The following CDH13 variants were observed in gnomAD, a reference collection of about 807,000 sequenced individuals.
The protein encoded by CDH13 is cadherin-13.
A neutral mutation model predicts 63.8 loss-of-function variants in CDH13; 24 were observed. The observed-to-expected ratio is 0.38, with a 90% CI of 0.27 to 0.53. The LOEUF is 0.53. Ranked by LOEUF, CDH13 falls within the 20% of genes least tolerant of loss-of-function variation. The probability of loss-of-function intolerance (pLI) is 0.85; values close to 1 mark genes in which losing one functional copy is unlikely to be tolerated. For missense variants in CDH13, 1,049 were observed against 903.1 expected (o/e 1.16, Z -2.07); for synonymous variants, 503 against 355.3 (o/e 1.42, Z -4.67).
chr16:82,663,852 A>G (rs1412577545), intron 1 of CDH13, among the ~76,000 whole-genome samples: 1 of 152,100 alleles, frequency 6.6e-6, no homozygotes, highest in South Asian at 2.1e-4. Context: ...CTTACATACT[A>G]TGTGAATATA....
chr16:82,969,478 CTTTTTTT>C (rs10652088), intron 2 of CDH13, among the ~76,000 whole-genome samples: 1 of 131,188 alleles, frequency 7.6e-6, no homozygotes, highest in Non-Finnish European at 1.6e-5. Flanking sequence ...TCTGCATATT[CTTTTTTT>C]TTTTTTTTTT....
intron 1 of CDH13, among the ~76,000 whole-genome samples, chr16:82,795,005 G>A (rs921927198): frequency 6.6e-6 from 1 of 152,160 alleles, no homozygotes; most frequent in African/African-American, 2.4e-5. Flanking sequence ...AGCAGGCCCT[G>A]GCTTCAGAGT....
intron 2 of CDH13, among the ~76,000 whole-genome samples, chr16:83,026,916 GA>G (rs1394745971): frequency 6.6e-6 from 1 of 152,176 alleles, no homozygotes; most frequent in Non-Finnish European, 1.5e-5. Context: ...GAGCTAAGCA[GA>G]GCGGCTGAGT....
At chr16:82,654,317 A>G (rs1010656831) in intron 1 of CDH13, among the ~76,000 whole-genome samples, 2 of 152,172 alleles carry the variant, frequency 1.3e-5, no homozygotes, top group African/African-American at 4.8e-5. Flanking sequence ...CAACTCTCAT[A>G]GCATCAGCTT....
chr16:83,673,879 G>A (rs1454192405), intron 9 of CDH13, among the ~76,000 whole-genome samples: 2 of 152,200 alleles, frequency 1.3e-5, no homozygotes, highest in Admixed American at 6.5e-5. Context: ...AATTCCAGGG[G>A]AAGAGGTGCC....
At chr16:83,597,979 C>T (rs1256398738) in intron 7 of CDH13, among the ~76,000 whole-genome samples, 1 of 152,180 alleles carries the variant, frequency 6.6e-6, no homozygotes, top group Non-Finnish European at 1.5e-5. Context: ...GAGAAAGAGA[C>T]TTGTTTTTTG....
At chr16:83,574,307 G>T (rs1904910079) in intron 7 of CDH13, among the ~76,000 whole-genome samples, 1 of 152,172 alleles carries the variant, frequency 6.6e-6, no homozygotes. Context: ...ATGCACTTGA[G>T]CTTGCCTCCA....
At chr16:83,567,208 C>G (rs990549252) in intron 7 of CDH13, among the ~76,000 whole-genome samples, 2 of 152,236 alleles carry the variant, frequency 1.3e-5, no homozygotes, top group Non-Finnish European at 2.9e-5. Flanking sequence ...TCATGGCTCT[C>G]ATCAGTGTAT....
chr16:83,007,842 GAAAA>G lies in CDH13; in HGVS notation c.158-24167_158-24164del, dbSNP rs1332898934. ...ACTCTGTCAAAAAAAAAAAAAGAGAGAAAAGAAAAATGCCTTAAAATTATTATGC... is the reference window on the plus strand; with the variant it reads ...ACTCTGTCAAAAAAAAAAAAAGAGAGGAAAAATGCCTTAAAATTATTATGC... On this transcript the variant is annotated intron_variant, in intron 2 of 13. Coordinates refer to ENST00000567109, the MANE Select transcript of CDH13 (RefSeq NM_001257.5). Among the ~76,000 whole-genome samples, 255 of 150,004 alleles carry G rather than the reference GAAAA, an allele frequency of 1.7e-3. 1 individual carries two copies. Among genetic ancestry groups the G allele is most frequent in the African/African-American group, 5.9e-3 (241 of 40,864 alleles).
intron 12 of CDH13, among the ~76,000 whole-genome samples, chr16:83,782,904 C>T (rs574044171): frequency 8.7e-4 from 132 of 152,176 alleles, no homozygotes; most frequent in Non-Finnish European, 1.6e-3. Context: ...AATAAATTTG[C>T]AGGGAGGAGT....
chr16:83,020,500 C>T (rs947304725), intron 2 of CDH13, among the ~76,000 whole-genome samples: 9 of 152,180 alleles, frequency 5.9e-5, no homozygotes, highest in Non-Finnish European at 1.2e-4. Flanking sequence ...AGAACAAAGC[C>T]AAGCTGTACT....
At chr16:82,850,040 C>T (rs891901702) in intron 1 of CDH13, among the ~76,000 whole-genome samples, 3 of 152,176 alleles carry the variant, frequency 2.0e-5, no homozygotes, top group Non-Finnish European at 4.4e-5. Context: ...AATATAATTT[C>T]CATTTTTCAG....
intron 2 of CDH13, among the ~76,000 whole-genome samples, chr16:82,971,872 G>A (rs1009704657): frequency 1.3e-5 from 2 of 152,146 alleles, no homozygotes; most frequent in African/African-American, 4.8e-5. Flanking sequence ...TGCAGGGACG[G>A]ATTCTGCATG....
intron 2 of CDH13, chr16:82,953,290 C>G (rs1446051074): frequency 6.6e-6 from 1 of 152,020 alleles, no homozygotes; most frequent in Admixed American, 6.6e-5. Flanking sequence ...CCAAATATGG[C>G]CATAAAGGTT....
chr16:83,738,356 G>C (rs1325623539), intron 10 of CDH13, among the ~76,000 whole-genome samples: 3 of 152,194 alleles, frequency 2.0e-5, no homozygotes, highest in Admixed American at 1.3e-4. Context: ...TGTATACATC[G>C]ATACATAGGC....
chr16:82,628,013 G>A (rs1201001532), intron 1 of CDH13, among the ~76,000 whole-genome samples: 2 of 152,244 alleles, frequency 1.3e-5, no homozygotes, highest in Non-Finnish European at 2.9e-5. Context: ...ACCAGGAGAG[G>A]GGGCGAGGGA....
chr16:82,655,758 A>G (rs1911223358), intron 1 of CDH13, among the ~76,000 whole-genome samples: 1 of 152,240 alleles, frequency 6.6e-6, no homozygotes, highest in African/African-American at 2.4e-5. Flanking sequence ...CACAACCACC[A>G]AATGAAATAG....
At chr16:83,715,043 C>A (rs912236454) in intron 10 of CDH13, among the ~76,000 whole-genome samples, 2 of 152,070 alleles carry the variant, frequency 1.3e-5, no homozygotes, top group African/African-American at 4.8e-5. Flanking sequence ...TAGCTAGGTT[C>A]GAGAGTAAGA....
At chr16:83,096,623 C>T (rs977923569) in intron 3 of CDH13, among the ~76,000 whole-genome samples, 22 of 152,284 alleles carry the variant, frequency 1.4e-4, no homozygotes, top group Middle Eastern at 3.4e-3. Context: ...TGAGAAGCTG[C>T]GCTTTCCAGT....
Sources: gnomAD v4.1 joint callset for allele counts (sites outside exome capture counted in the v4.1 genomes callset) on GRCh38, gnomAD v4.1.1 for gene constraint, MANE v1.5 for transcripts, NCBI Gene and HGNC (gene_info 2026-07-23, HGNC 2026-07-21) for gene names.